Variants in NLRP13 observed in about 807,000 individuals in gnomAD.
NLRP13 encodes the protein NLR family pyrin domain containing 13, also known as NACHT, LRR and PYD domains-containing protein 13.
In NLRP13, 82 loss-of-function variants were observed where a neutral mutation model predicts 94.4. That is an observed-to-expected ratio of 0.87 (90% CI 0.73 to 1.04). The LOEUF (loss-of-function observed/expected upper bound fraction) is 1.04, where lower values mean the gene tolerates loss of function less well. Among genes scored for constraint, NLRP13 ranks in the 50% least tolerant of loss-of-function variants. NLRP13 has a pLI of 0.00. For missense variants in NLRP13, 1,426 were observed against 1,230.8 expected (o/e 1.16, Z -2.37); for synonymous variants, 553 against 464.7 (o/e 1.19, Z -2.45).
At chr19:55,925,605 C>G (rs1986948578) in intron 1 of NLRP13, among the ~76,000 whole-genome samples, 1 of 152,128 alleles carries the variant, frequency 6.6e-6, no homozygotes. Flanking sequence ...GAATTGGGTT[C>G]AAACCAAGTC....
At position 55,911,847 on chromosome 19, in the gene NLRP13, C is replaced by T. The variant is rs369571953; in HGVS notation, c.1970G>A (p.Arg657His). ...AATATTAAGGTCAACTTCAAAGATA[C>T]GACCCAACATCTTCTTTGTGAAGTC... ...EEDFTKKMLG[R>H]IFEVDLNILE... The change falls in exon 5 of 11, where the codon CGT becomes CAT. Residue 657 changes from arginine (R) to histidine (H), a missense_variant. Coordinates refer to ENST00000342929, the MANE Select transcript of NLRP13 (RefSeq NM_176810.2). 83 of 1,614,126 alleles carry T rather than the reference C, an allele frequency of 5.1e-5. No individual in the cohort carries two copies. In the Middle Eastern group the frequency reaches 9.9e-4, roughly 19 times the overall value.
Position 55,911,899 on chromosome 19 carries a change from G to C in NLRP13, c.1918C>G (p.His640Asp). The C allele has an allele frequency of 6.2e-7, 1 of 1,614,144 alleles. No individual in the cohort carries two copies. Among genetic ancestry groups the C allele is most frequent in the South Asian group, 1.1e-5 (1 of 91,078 alleles). ...SLQFHILRLFHCLHESQEEDF... is the reference protein window; with the variant it reads ...SLQFHILRLFDCLHESQEEDF... ...TCCTCCTGGGACTCGTGTAGGCAGT[G>C]AAAAAGTCGTAGAATGTGAAATTGG... Residue 640 changes from histidine to aspartate, a missense_variant, in exon 5 of 11, where the codon CAC (histidine) becomes GAC (aspartate). By Grantham distance (81) the His-to-Asp change is moderately conservative. Transcript: ENST00000342929.
chr19:55,911,485 A>C (rs151036586), intron 5 of NLRP13, among the ~76,000 whole-genome samples: 10 of 152,318 alleles, frequency 6.6e-5, no homozygotes, highest in African/African-American at 2.4e-4. Context: ...TTCAATGCCT[A>C]AGATATAAAG....
chr19:55,918,058 G>A (rs928441995), intron 4 of NLRP13, among the ~76,000 whole-genome samples: 1 of 151,886 alleles, frequency 6.6e-6, no homozygotes, highest in African/African-American at 2.4e-5. Flanking sequence ...ATTATATCAA[G>A]TATTTTTCTC....
At chr19:55,915,171 A>G (rs528750565) in intron 4 of NLRP13, among the ~76,000 whole-genome samples, 3 of 152,336 alleles carry the variant, frequency 2.0e-5, no homozygotes, top group Admixed American at 6.5e-5. Context: ...AGTGTGTTAT[A>G]TAGTTCAACA....
At chr19:55,908,004 T>C in intron 6 of NLRP13, 48 bp from the exon 7 acceptor site, 1 of 1,544,812 alleles carries the variant, frequency 6.5e-7, no homozygotes, top group East Asian at 2.3e-5. Context: ...AGAAGACTGG[T>C]TTCCAGGATC....
chr19:55,919,766 A>T (rs530503252), intron 4 of NLRP13, among the ~76,000 whole-genome samples: 5 of 152,158 alleles, frequency 3.3e-5, no homozygotes, highest in African/African-American at 1.2e-4. Flanking sequence ...ATTTTCCAAT[A>T]TATCAATTCA....
intron 4 of NLRP13, among the ~76,000 whole-genome samples, chr19:55,914,566 A>G (rs1436500718): frequency 1.3e-5 from 2 of 152,186 alleles, no homozygotes; most frequent in Non-Finnish European, 2.9e-5. Flanking sequence ...TCTGCAAAAA[A>G]TTTAGGAATG....
chr19:55,896,180 G>A, intron 10 of NLRP13, 61 bp from the exon 11 acceptor site: 1 of 1,560,688 alleles, frequency 6.4e-7, no homozygotes, highest in Non-Finnish European at 8.7e-7. Context: ...AGTTAGAAAA[G>A]AGATACCACA....
chr19:55,924,531 C>T, intron 3 of NLRP13, 59 bp downstream of exon 3: 1 of 1,205,028 alleles, frequency 8.3e-7, no homozygotes, highest in Non-Finnish European at 1.2e-6. Flanking sequence ...AAATGTGGAC[C>T]AATGAAACGA....
intron 4 of NLRP13, among the ~76,000 whole-genome samples, chr19:55,920,627 G>A (rs1449118723): frequency 6.6e-6 from 1 of 152,118 alleles, no homozygotes; most frequent in Non-Finnish European, 1.5e-5. Context: ...CAAGGATTCA[G>A]AAAATGGAAC....
At chr19:55,891,865 C>T (rs186693400), downstream of NLRP13, 62 of 387,772 alleles carry the variant, frequency 1.6e-4, 1 homozygote, top group African/African-American at 4.5e-4. Flanking sequence ...CTCCAACAAC[C>T]GTGACAAAGC....
chr19:55,908,373 A>C (rs1396704138), intron 6 of NLRP13, among the ~76,000 whole-genome samples: 1 of 152,212 alleles, frequency 6.6e-6, no homozygotes, highest in East Asian at 1.9e-4. Context: ...CAAAAGTTTA[A>C]TATTAAAAGA....
chr19:55,892,941 G>A (rs765714028), downstream of NLRP13, among the ~76,000 whole-genome samples: 1 of 152,126 alleles, frequency 6.6e-6, no homozygotes, highest in African/African-American at 2.4e-5. Context: ...TCACAGCACT[G>A]TTCACAATAG....
Position 55,913,089 on chromosome 19 carries a change from G to A in NLRP13, c.728C>T (p.Thr243Ile), listed in dbSNP as rs535450227. Residue 243 changes from threonine to isoleucine, a missense_variant, in exon 5 of 11, where the codon ACC (threonine) becomes ATC (isoleucine). Thr to Ile is a moderately conservative substitution (Grantham distance 89, BLOSUM62 -1). Transcript: ENST00000342929. Reference protein sequence around the residue: ...LVGRAGVGKTTLAMQAMLHWA... With the variant: ...LVGRAGVGKTILAMQAMLHWA... ...GTGCAGCATAGCCTGCATTGCCAAG[G>A]TGGTCTTCCCAACCCCTGCCCTCCC... 6.2e-7 allele frequency: 1 copy of A among 1,614,142 alleles called. No individual in the cohort carries two copies. Among genetic ancestry groups the A allele is most frequent in the Non-Finnish European group, 8.5e-7 (1 of 1,180,030 alleles).
At chr19:55,905,710 G>T (rs896521672) in intron 7 of NLRP13, among the ~76,000 whole-genome samples, 1 of 151,938 alleles carries the variant, frequency 6.6e-6, no homozygotes, top group Non-Finnish European at 1.5e-5. Flanking sequence ...GTGTGGGCTG[G>T]ATTGCACTTA....
At chr19:55,913,364 G>T in intron 4 of NLRP13, 71 bp from the exon 5 acceptor site, 1 of 1,475,418 alleles carries the variant, frequency 6.8e-7, no homozygotes, top group Non-Finnish European at 9.1e-7. Context: ...CAGTTACAAA[G>T]TTCCTACCCC....
chr19:55,896,232 G>A, intron 10 of NLRP13, 113 bp from the exon 11 acceptor site: 1 of 1,211,882 alleles, frequency 8.3e-7, no homozygotes, highest in Non-Finnish European at 1.2e-6. Context: ...CTGCTTAAGA[G>A]TGGAGCACTT....
Position 55,902,097 on chromosome 19 carries a change from G to GTC in NLRP13, c.2725_2726dup (p.Asp909GlufsTer22), listed in dbSNP as rs1371166758. ...CCTCACACAGGAACTTGACTCCCTC[G>GTC]TCTCTCAGGCTGTTCTTGCTCAGAT... On this transcript the variant is annotated frameshift_variant, in exon 9 of 11. Transcript: ENST00000342929. LOFTEE classifies it high-confidence loss of function. 6.2e-7 allele frequency: 1 copy of GTC among 1,614,000 alleles called. No individual in the cohort carries two copies. The highest frequency in any genetic ancestry group is 2.2e-5 in the East Asian group (1 of 44,886).
Sources: allele counts gnomAD v4.1 joint callset (sites outside exome capture counted in the v4.1 genomes callset), GRCh38; gene constraint gnomAD v4.1.1; transcripts MANE v1.5; gene names NCBI Gene and HGNC (gene_info 2026-07-23, HGNC 2026-07-21).